Variants in RBM6 observed in about 807,000 individuals in gnomAD.
RBM6 encodes RNA-binding protein 6.
A neutral mutation model predicts 140.4 loss-of-function variants in RBM6; 23 were observed. That is an observed-to-expected ratio of 0.16 (90% CI 0.12 to 0.23). RBM6 has a LOEUF of 0.23. Among genes scored for constraint, RBM6 ranks in the 10% least tolerant of loss-of-function variants. RBM6 has a pLI of 1.00. For synonymous variants in RBM6, 439 were observed against 475.6 expected, an observed-to-expected ratio of 0.92 and a Z score of 1.00; for missense variants, 1,139 against 1,386.7, an observed-to-expected ratio of 0.82 and a Z score of 2.84.
intron 5 of RBM6, among the ~76,000 whole-genome samples, chr3:49,990,984 T>A (rs1434328436): frequency 2.0e-5 from 3 of 152,170 alleles, no homozygotes; most frequent in Non-Finnish European, 4.4e-5. Flanking sequence ...ATAAGACCAT[T>A]CTTACTTCAG....
intron 5 of RBM6, among the ~76,000 whole-genome samples, chr3:49,975,695 A>G (rs2085034751): frequency 6.6e-6 from 1 of 152,160 alleles, no homozygotes; most frequent in Non-Finnish European, 1.5e-5. Flanking sequence ...CATGTTCTTC[A>G]TGGTGGTGGA....
chr3:49,982,994 G>A (rs1212489541), intron 5 of RBM6, among the ~76,000 whole-genome samples: 3 of 152,164 alleles, frequency 2.0e-5, no homozygotes, highest in African/African-American at 7.2e-5. Context: ...TTACAGGCAT[G>A]AACCACCACG....
intron 5 of RBM6, among the ~76,000 whole-genome samples, chr3:49,997,884 A>G (rs1166054357): frequency 6.6e-6 from 1 of 152,224 alleles, no homozygotes. Context: ...CTGTTTCTCT[A>G]AAGTATTTTT....
At position 50,034,230 on chromosome 3, in the gene RBM6, C is replaced by G. The variant is rs375952320; in HGVS notation, c.1558-14015C>G. Among the ~76,000 whole-genome samples, 19 of 151,856 alleles carry G rather than the reference C, an allele frequency of 1.3e-4. No individual in the cohort carries two copies. In the East Asian group the frequency reaches 2.3e-3, roughly 19 times the overall value. On this transcript the variant is annotated intron_variant, in intron 6 of 20. Coordinates refer to ENST00000266022, the MANE Select transcript of RBM6 (RefSeq NM_005777.3). ...AACTCCTGACCTGAAGTGATCCCCC[C>G]ACCTCGGCATCCCGAAGTGCTGGGA...
chr3:50,054,492 A>T, intron 8 of RBM6, 97 bp downstream of exon 8: 1 of 1,114,868 alleles, frequency 9.0e-7, no homozygotes, highest in East Asian at 2.4e-5. Context: ...CCCTAAATCC[A>T]AGTTGATCTA....
At chr3:49,980,782 T>G (rs539361214) in intron 5 of RBM6, among the ~76,000 whole-genome samples, 5 of 146,872 alleles carry the variant, frequency 3.4e-5, no homozygotes, top group Admixed American at 2.0e-4. Context: ...AAAAAAAAAG[T>G]TGAACCTGGG....
Position 50,065,317 on chromosome 3 carries a change from A to T in RBM6, c.2682+191A>T, listed in dbSNP as rs537514571. Among the ~76,000 whole-genome samples, 4 of 152,314 alleles carry T rather than the reference A, an allele frequency of 2.6e-5. No homozygotes were observed. In the South Asian group the frequency reaches 6.2e-4, roughly 24 times the overall value. On this transcript the variant is annotated intron_variant, in intron 16 of 20. Transcript: ENST00000266022. ...TTTTCTGTCTGCTAATGGGGGTATT[A>T]CTGGAGAACCAGAGGCAGTTATCTG...
chr3:50,032,571 A>G (rs1347838730), intron 6 of RBM6, among the ~76,000 whole-genome samples: 2 of 152,004 alleles, frequency 1.3e-5, no homozygotes, highest in Non-Finnish European at 2.9e-5. Context: ...TTAATTTCCC[A>G]GAATGAGAAC....
At chr3:50,031,927 T>G (rs2088190910) in intron 6 of RBM6, among the ~76,000 whole-genome samples, 1 of 152,212 alleles carries the variant, frequency 6.6e-6, no homozygotes, top group South Asian at 2.1e-4. Flanking sequence ...ATTGCATGCC[T>G]GTATCAAAAC....
At chr3:50,045,490 T>C (rs79393222) in intron 6 of RBM6, among the ~76,000 whole-genome samples, 36 of 152,294 alleles carry the variant, frequency 2.4e-4, no homozygotes, top group African/African-American at 8.7e-4. Flanking sequence ...TCTTTGTTGC[T>C]GAAAATAAAT....
At chr3:50,058,290 C>A in intron 9 of RBM6, 112 bp from the exon 10 acceptor site, 1 of 1,228,022 alleles carries the variant, frequency 8.1e-7, no homozygotes, top group Non-Finnish European at 1.2e-6. Flanking sequence ...TTTTACAGAA[C>A]CAGCCTTGCT....
intron 17 of RBM6, 66 bp downstream of exon 17, chr3:50,066,568 C>T (rs1383640129): frequency 1.9e-6 from 3 of 1,554,474 alleles, no homozygotes; most frequent in Non-Finnish European, 2.6e-6. Flanking sequence ...TGGCTCATGC[C>T]TGTAATCCTA....
chr3:49,958,896 A>G (rs1391813920), intron 1 of RBM6, among the ~76,000 whole-genome samples: 3 of 150,282 alleles, frequency 2.0e-5, no homozygotes, highest in Non-Finnish European at 4.4e-5. Flanking sequence ...TCCAAGTTGA[A>G]GCGATACTCC....
chr3:49,960,641 C>G (rs1015159229), intron 1 of RBM6, among the ~76,000 whole-genome samples: 2 of 152,122 alleles, frequency 1.3e-5, no homozygotes, highest in African/African-American at 2.4e-5. Context: ...TTTTCAGTAG[C>G]TATAACAAAG....
At chr3:50,015,786 T>TA (rs2087112421) in intron 6 of RBM6, among the ~76,000 whole-genome samples, 1 of 152,218 alleles carries the variant, frequency 6.6e-6, no homozygotes, top group South Asian at 2.1e-4. Flanking sequence ...GTACCCATGT[T>TA]ATGATACATG....
chr3:50,006,881 G>A (rs111401003), intron 6 of RBM6, among the ~76,000 whole-genome samples: 11,832 of 149,020 alleles, frequency 0.079, 517 homozygotes, highest in African/African-American at 0.11. Flanking sequence ...GCAGTGAGCC[G>A]AGATCGCACC....
chr3:50,008,546 C>CTTTTTTT (rs5848909), intron 6 of RBM6, among the ~76,000 whole-genome samples: 1 of 73,694 alleles, frequency 1.4e-5, no homozygotes, highest in African/African-American at 5.3e-5. Context: ...TCTTTTGTAA[C>CTTTTTTT]TTTTTTTTTT....
chr3:50,008,627 C>G (rs1436938611), intron 6 of RBM6, among the ~76,000 whole-genome samples: 5 of 132,486 alleles, frequency 3.8e-5, no homozygotes, highest in African/African-American at 1.4e-4. Flanking sequence ...GATCTGGGCT[C>G]AATGCAACCT....
Position 50,065,517 on chromosome 3 carries a change from A to G in RBM6, c.2682+391A>G, listed in dbSNP as rs1412047837. ...TTAGATATGGAGTGCATGCGTGGTC[A>G]TTTTTTTATAGTTTCTGCCTGTTCA... On this transcript the variant is annotated intron_variant, in intron 16 of 20. Coordinates refer to ENST00000266022, the MANE Select transcript of RBM6 (RefSeq NM_005777.3). 8 of 459,432 alleles carry G rather than the reference A, an allele frequency of 1.7e-5. No homozygotes were observed. The Admixed American group carries it at 1.9e-4, about 11-fold the overall frequency. 28.5% of individuals were successfully genotyped at this position (459,432 alleles called of 1,614,324 possible). A position where few individuals can be genotyped will look rare whatever the true frequency, so the allele number is the denominator to read the frequency against.
Sources: allele counts gnomAD v4.1 joint callset (sites outside exome capture counted in the v4.1 genomes callset), GRCh38; gene constraint gnomAD v4.1.1; transcripts MANE v1.5; gene names NCBI Gene and HGNC (gene_info 2026-07-23, HGNC 2026-07-21).